Variants in LRRC74B observed in about 807,000 individuals in gnomAD.
The protein encoded by LRRC74B is leucine-rich repeat-containing protein 74B.
LRRC74B carries 30 observed loss-of-function variants against 16.6 expected under a neutral mutation model. The ratio of observed to expected loss-of-function variants is 1.80; its 90% CI spans 1.35 to 2.45. The LOEUF is 2.45. LRRC74B is among the 30% of genes most tolerant of loss of function. The pLI is 0.00. For missense variants in LRRC74B, 326 were observed against 202.4 expected (o/e 1.61, Z -3.71); for synonymous variants, 134 against 86.0 (o/e 1.56, Z -3.09).
chr22:21,050,179 G>A (rs1929890466), intron 4 of LRRC74B, among the ~76,000 whole-genome samples: 1 of 152,126 alleles, frequency 6.6e-6, no homozygotes, highest in African/African-American at 2.4e-5. Flanking sequence ...TGGGATTACA[G>A]GTGCGTGCGA....
chr22:21,047,577 CTG>C (rs1430886392), intron 2 of LRRC74B, 79 bp downstream of exon 2: 1 of 681,212 alleles, frequency 1.5e-6, no homozygotes, highest in Admixed American at 2.1e-5. Flanking sequence ...GCCCCTGTGT[CTG>C]TCCCCTACAC....
chr22:21,049,974 A>C lies in LRRC74B; in HGVS notation c.622+817A>C, dbSNP rs1165087796. Among the ~76,000 whole-genome samples, 6 of 152,160 alleles carry C rather than the reference A, an allele frequency of 3.9e-5. No individual in the cohort carries two copies. The South Asian group carries it at 1.2e-3, about 32-fold the overall frequency. On this transcript the variant is annotated intron_variant, in intron 4 of 8. Coordinates refer to ENST00000442047, the Ensembl canonical transcript of LRRC74B. ...CAGATGCTGACCCTGGACCTGCTGAACCAAACTCTTAGGGGAATGCTGGTG... is the reference window on the plus strand; with the variant it reads ...CAGATGCTGACCCTGGACCTGCTGACCCAAACTCTTAGGGGAATGCTGGTG...
Position 21,048,028 on chromosome 22 carries a change from G to T in LRRC74B, c.415+12G>T. ...CAGCAGCATCCATGGTAGGTGCTGG[G>T]TCTGGGGCAGGTGGGCAGGCGTGTC... On this transcript the variant is annotated intron_variant, in intron 3 of 8. Coordinates refer to ENST00000442047, the Ensembl canonical transcript of LRRC74B. The T allele has an allele frequency of 1.4e-6, 1 of 717,234 alleles. No individual in the cohort carries two copies. Among genetic ancestry groups the T allele is most frequent in the Middle Eastern group, 2.3e-4 (1 of 4,370 alleles). 44.4% of individuals were successfully genotyped at this position (717,234 alleles called of 1,614,324 possible).
chr22:21,057,144 C>T (rs1236791844), exon 8 of LRRC74B: 1 of 717,474 alleles, frequency 1.4e-6, no homozygotes. Context: ...CTGCTTTGGT[C>T]TCCTCAAGTC....
At chr22:21,046,044 G>A (rs754319675) in exon 1 of LRRC74B, 1 of 717,500 alleles carries the variant, frequency 1.4e-6, no homozygotes, top group South Asian at 1.5e-5. Context: ...AGAGGCTATG[G>A]TGGCCTGTGG....
At chr22:21,047,530 AC>A (rs760814137) in intron 2 of LRRC74B, 32 bp downstream of exon 2, 25 of 715,518 alleles carry the variant, frequency 3.5e-5, no homozygotes. Flanking sequence ...ATCCAGGCTT[AC>A]GGGGAGAGGC....
At chr22:21,048,058 T>C (rs770603593) in intron 3 of LRRC74B, 42 bp downstream of exon 3, 66 of 715,258 alleles carry the variant, frequency 9.2e-5, no homozygotes, top group South Asian at 9.2e-4. Flanking sequence ...CGTGTCCTCC[T>C]TTTCCTCAGG....
rs960840085 is a variant in LRRC74B at position 21,051,777 on chromosome 22, C to T, written c.623-472C>T. The stretch of plus-strand genomic sequence containing the variant: ...CCTTCCTCACCTCACTGGCTTCCCC[C>T]TCCCCAGGCCCAGCTCCAAGCCTGC... On this transcript the variant is annotated intron_variant, in intron 4 of 8. Coordinates refer to ENST00000442047, the Ensembl canonical transcript of LRRC74B. Among the ~76,000 whole-genome samples, 6 of 152,244 alleles carry T rather than the reference C, an allele frequency of 3.9e-5. No individual in the cohort carries two copies. In the East Asian group the frequency reaches 5.8e-4, roughly 15 times the overall value.
chr22:21,052,758 A>T (rs961014600), intron 5 of LRRC74B, among the ~76,000 whole-genome samples: 1 of 152,178 alleles, frequency 6.6e-6, no homozygotes, highest in Non-Finnish European at 1.5e-5. Flanking sequence ...GTTGTGGTTC[A>T]TAGGGCTCGG....
chr22:21,048,503 G>T (rs1929680016), intron 3 of LRRC74B: 1 of 259,166 alleles, frequency 3.9e-6, no homozygotes, highest in African/African-American at 2.2e-5. Flanking sequence ...TACCTTATGG[G>T]CTTGGGGCTG....
upstream of LRRC74B, chr22:21,045,955 T>A (rs1188837574): frequency 4.2e-6 from 3 of 714,136 alleles, no homozygotes; most frequent in Admixed American, 2.0e-5. Context: ...TGTCTCCGAC[T>A]CAGTGTCTGA....
At chr22:21,054,532 C>A (rs1054699477) in intron 6 of LRRC74B, among the ~76,000 whole-genome samples, 7 of 152,212 alleles carry the variant, frequency 4.6e-5, no homozygotes, top group African/African-American at 1.4e-4. Flanking sequence ...TCCCCAGGGG[C>A]AGCTCCCTGT....
intron 8 of LRRC74B, among the ~76,000 whole-genome samples, chr22:21,058,191 C>T (rs1033749765): frequency 6.6e-6 from 1 of 151,698 alleles, no homozygotes; most frequent in Non-Finnish European, 1.5e-5. Context: ...TGATCCATTG[C>T]GCCTGGCGAA....
chr22:21,058,950 G>A lies in LRRC74B; in HGVS notation c.1024-1423G>A, dbSNP rs146221645. On this transcript the variant is annotated intron_variant, in intron 8 of 8. Transcript: ENST00000442047. ...GATTCTGAGTCAAAGAATCATAAAC[G>A]ATCAATCAATAACAAGCCTGGGATG... Among the ~76,000 whole-genome samples, 771 of 152,238 alleles carry A rather than the reference G, an allele frequency of 5.1e-3. 7 individuals are homozygous for A. The highest frequency in any genetic ancestry group is 0.018 in the African/African-American group (734 of 41,542).
At chr22:21,053,385 A>T (rs1290721215) in exon 6 of LRRC74B, 1 of 717,226 alleles carries the variant, frequency 1.4e-6, no homozygotes, top group Admixed American at 2.0e-5. Context: ...AAAGTTCTAG[A>T]CATCTCATAC....
In LRRC74B at chr22:21,053,622, A is replaced by G. The variant is rs937481636; in HGVS notation, c.848+147A>G. 8 of 585,128 alleles carry G rather than the reference A, an allele frequency of 1.4e-5. No homozygotes were observed. In the Admixed American group the frequency reaches 2.5e-4, roughly 18 times the overall value. 36.2% of individuals were successfully genotyped at this position (585,128 alleles called of 1,614,324 possible). A position where few individuals can be genotyped will look rare whatever the true frequency, so the allele number is the denominator to read the frequency against. The stretch of plus-strand genomic sequence containing the variant: ...TCTGTCATCCTTATCACTGGAGTTT[A>G]TAATTTTATTTATTTATTTAAAACA... On this transcript the variant is annotated intron_variant, in intron 6 of 8. Transcript: ENST00000442047.
chr22:21,050,388 G>C (rs1284696194), intron 4 of LRRC74B, among the ~76,000 whole-genome samples: 1 of 152,034 alleles, frequency 6.6e-6, no homozygotes, highest in Non-Finnish European at 1.5e-5. Flanking sequence ...GAGCAAGTGG[G>C]GTGACATCAG....
downstream of LRRC74B, chr22:21,063,201 A>C (rs1768001678): frequency 1.3e-5 from 2 of 152,122 alleles, no homozygotes; most frequent in Non-Finnish European, 2.9e-5. Context: ...AAAAGGAAGA[A>C]TCAAATAATT....
intron 4 of LRRC74B, among the ~76,000 whole-genome samples, chr22:21,049,758 G>A (rs1436529440): frequency 6.6e-6 from 1 of 152,076 alleles, no homozygotes; most frequent in South Asian, 2.1e-4. Flanking sequence ...GCTGTAGGCC[G>A]TGGCAAAAAC....
Sources: allele counts gnomAD v4.1 joint callset (sites outside exome capture counted in the v4.1 genomes callset), GRCh38; gene constraint gnomAD v4.1.1; transcripts MANE v1.5; gene names NCBI Gene and HGNC (gene_info 2026-07-23, HGNC 2026-07-21).